CNTNAP2: variants seen among roughly 807,000 people sequenced by gnomAD.
CNTNAP2 encodes contactin associated protein 2, also known as contactin-associated protein-like 2.
Under a neutral mutation model 155.2 loss-of-function variants are expected in CNTNAP2, and 98 were observed. The ratio of observed to expected loss-of-function variants is 0.63; its 90% CI spans 0.54 to 0.75. The LOEUF (loss-of-function observed/expected upper bound fraction) is 0.75. Ranked by LOEUF, CNTNAP2 falls within the 30% of genes least tolerant of loss-of-function variation. The pLI is 0.00. For synonymous variants in CNTNAP2, 651 were observed against 631.2 expected (o/e 1.03, Z -0.47); for missense variants, 1,727 against 1,688.1 (o/e 1.02, Z -0.40).
chr7:147,865,521 C>T (rs541221409), intron 13 of CNTNAP2, among the ~76,000 whole-genome samples: 1 of 152,114 alleles, frequency 6.6e-6, no homozygotes. Flanking sequence ...CCTCTTTGTA[C>T]CTCTGGTAGA....
chr7:146,525,093 T>C (rs562659693), intron 1 of CNTNAP2, among the ~76,000 whole-genome samples: 1 of 152,166 alleles, frequency 6.6e-6, no homozygotes, highest in East Asian at 1.9e-4. Context: ...AGCTATTGTT[T>C]TAGCTGAAAA....
At chr7:148,133,099 T>C (rs1407192658) in intron 16 of CNTNAP2, among the ~76,000 whole-genome samples, 1 of 152,146 alleles carries the variant, frequency 6.6e-6, no homozygotes. Context: ...TTATGTAATC[T>C]TCTTTAAAAA....
At chr7:147,686,262 A>C (rs950619555) in intron 13 of CNTNAP2, among the ~76,000 whole-genome samples, 2 of 152,018 alleles carry the variant, frequency 1.3e-5, no homozygotes, top group African/African-American at 4.8e-5. Flanking sequence ...ATATGACAGA[A>C]AGGATGAGTT....
At chr7:147,368,592 A>T (rs1344755071) in intron 9 of CNTNAP2, among the ~76,000 whole-genome samples, 1 of 152,108 alleles carries the variant, frequency 6.6e-6, no homozygotes, top group East Asian at 1.9e-4. Flanking sequence ...CAGAGCTGGA[A>T]GGGTCAGTCT....
At chr7:148,350,050 C>A (rs1035252402) in intron 21 of CNTNAP2, among the ~76,000 whole-genome samples, 5 of 151,980 alleles carry the variant, frequency 3.3e-5, no homozygotes, top group African/African-American at 1.2e-4. Context: ...GGTGGGGAGA[C>A]CATGAGTGGA....
At chr7:146,635,376 C>G (rs1799579615) in intron 1 of CNTNAP2, among the ~76,000 whole-genome samples, 1 of 152,138 alleles carries the variant, frequency 6.6e-6, no homozygotes, top group Non-Finnish European at 1.5e-5. Context: ...CCTCAGGATG[C>G]TATGCTAGTA....
chr7:147,312,083 G>C (rs949612436), intron 9 of CNTNAP2, among the ~76,000 whole-genome samples: 5 of 151,898 alleles, frequency 3.3e-5, no homozygotes, highest in African/African-American at 7.3e-5. Flanking sequence ...AAATAAGTTA[G>C]TTTTTCTAGT....
intron 1 of CNTNAP2, among the ~76,000 whole-genome samples, chr7:146,352,828 C>T (rs1425546499): frequency 2.2e-5 from 3 of 134,134 alleles, no homozygotes; most frequent in Non-Finnish European, 4.6e-5. Flanking sequence ...GATCTCGGCT[C>T]ACTGCAAGCT....
chr7:148,004,131 A>C (rs1464166364), intron 15 of CNTNAP2, among the ~76,000 whole-genome samples: 1 of 152,216 alleles, frequency 6.6e-6, no homozygotes, highest in Non-Finnish European at 1.5e-5. Flanking sequence ...CTTAGTTGTA[A>C]TAAGTATACA....
At chr7:147,060,812 C>T (rs1006753633) in intron 4 of CNTNAP2, among the ~76,000 whole-genome samples, 3 of 151,246 alleles carry the variant, frequency 2.0e-5, no homozygotes, top group East Asian at 1.9e-4. Flanking sequence ...TGCAGTGAGC[C>T]GAGACCGCGC....
At chr7:147,031,778 C>T (rs1242264148) in intron 3 of CNTNAP2, among the ~76,000 whole-genome samples, 4 of 152,092 alleles carry the variant, frequency 2.6e-5, no homozygotes, top group Admixed American at 6.6e-5. Context: ...ATTAGCCGGG[C>T]GTGGTGGCCT....
intron 12 of CNTNAP2, among the ~76,000 whole-genome samples, chr7:147,585,011 G>A (rs1408492837): frequency 6.6e-6 from 1 of 152,134 alleles, no homozygotes; most frequent in Non-Finnish European, 1.5e-5. Flanking sequence ...GACCTCCTGG[G>A]TCTGCTAGGG....
intron 14 of CNTNAP2, among the ~76,000 whole-genome samples, chr7:147,945,619 C>A (rs1800806313): frequency 6.6e-6 from 1 of 151,820 alleles, no homozygotes; most frequent in Non-Finnish European, 1.5e-5. Flanking sequence ...ACCCTGTCAT[C>A]ATGCCTACAA....
At chr7:148,229,569 G>T in intron 19 of CNTNAP2, 77 bp from the exon 20 acceptor site, 1 of 1,503,678 alleles carries the variant, frequency 6.7e-7, no homozygotes, top group Non-Finnish European at 9.2e-7. Flanking sequence ...GAATCTAAGA[G>T]CAGGAATTGA....
At position 146,152,634 on chromosome 7, in the gene CNTNAP2, T is replaced by C. The variant is rs528736302; in HGVS notation, c.97+35661T>C. ...ATCATCTTGTACTGTGCATGGTAAA[T>C]ACATACAATTATATCTGTCAGTTTA... On this transcript the variant is annotated intron_variant, in intron 1 of 23. Coordinates refer to ENST00000361727, the MANE Select transcript of CNTNAP2 (RefSeq NM_014141.6). Among the ~76,000 whole-genome samples, 3 of 152,202 alleles carry C rather than the reference T, an allele frequency of 2.0e-5. No homozygotes were observed. In the South Asian group the frequency reaches 6.2e-4, roughly 32 times the overall value.
At chr7:148,068,918 A>T (rs1364327886) in intron 15 of CNTNAP2, among the ~76,000 whole-genome samples, 5 of 152,168 alleles carry the variant, frequency 3.3e-5, no homozygotes, top group African/African-American at 1.2e-4. Context: ...TTCTCTCTGT[A>T]CAGCTCTCTC....
intron 1 of CNTNAP2, among the ~76,000 whole-genome samples, chr7:146,129,953 A>G (rs1396610390): frequency 6.6e-6 from 1 of 152,212 alleles, no homozygotes; most frequent in African/African-American, 2.4e-5. Context: ...GAAAAAGCCA[A>G]GCAAACAGCA....
chr7:146,747,335 G>A (rs1801826172), intron 1 of CNTNAP2, among the ~76,000 whole-genome samples: 1 of 152,134 alleles, frequency 6.6e-6, no homozygotes, highest in South Asian at 2.1e-4. Context: ...ATATGGCGTA[G>A]AATTTAGTCT....
chr7:146,309,829 A>AAGGAAGGAAGG (rs1800787995), intron 1 of CNTNAP2, among the ~76,000 whole-genome samples: 1 of 148,822 alleles, frequency 6.7e-6, no homozygotes, highest in African/African-American at 2.6e-5. Context: ...AGAAGAAAGG[A>AAGGAAGGAAGG]AAGGAAGGAA....
Sources: gnomAD v4.1 joint callset for allele counts (sites outside exome capture counted in the v4.1 genomes callset) on GRCh38, gnomAD v4.1.1 for gene constraint, MANE v1.5 for transcripts, NCBI Gene and HGNC (gene_info 2026-07-23, HGNC 2026-07-21) for gene names.